Variants in UNC13D observed in about 807,000 individuals in gnomAD.
UNC13D encodes unc-13 homolog D.
Under a neutral mutation model 151.7 loss-of-function variants are expected in UNC13D, and 115 were observed. The observed-to-expected ratio is 0.76, with a 90% CI of 0.65 to 0.88. The LOEUF is 0.88. Ranked by LOEUF, UNC13D falls within the 40% of genes least tolerant of loss-of-function variation. The pLI is 0.00. For synonymous variants in UNC13D, 588 were observed against 612.2 expected (o/e 0.96, Z 0.58); for missense variants, 1,369 against 1,438.7 (o/e 0.95, Z 0.78).
At position 75,843,517 on chromosome 17, in the gene UNC13D, G is replaced by C; in HGVS notation, c.120C>G (p.Ile40Met). 6.2e-7 allele frequency: 1 copy of C among 1,611,622 alleles called. No homozygotes were observed. The highest frequency in any genetic ancestry group is 1.1e-5 in the South Asian group (1 of 90,538). ...GGGAGAAGTGGTGGGATGGAGGCTG[G>C]ATCTGCAGAGCAAGGTGGAAAGGCA... ...QDPPPQMAPEIQPPSHHFSPE... is the reference protein window; with the variant it reads ...QDPPPQMAPEMQPPSHHFSPE... Residue 40 changes from isoleucine to methionine, a missense_variant and splice_region_variant, in exon 2 of 32, where the codon ATC becomes ATG. Physicochemically the swap from Ile to Met is conservative, Grantham distance 10. This residue lies in a region of UNC13D where 550 missense variants were observed against 609.0 expected (regional missense o/e 0.90). Coordinates refer to ENST00000207549, the MANE Select transcript of UNC13D (RefSeq NM_199242.3).
chr17:75,829,980 T>TG, intron 30 of UNC13D, 48 bp downstream of exon 30: 1 of 1,559,748 alleles, frequency 6.4e-7, no homozygotes, highest in Non-Finnish European at 8.7e-7. Flanking sequence ...GGGAGCCCAG[T>TG]GGGGAGAGAT....
Position 75,840,675 on chromosome 17 carries a change from C to G in UNC13D, c.683+87G>C, listed in dbSNP as rs2064941503. On this transcript the variant is annotated intron_variant, in intron 8 of 31. Coordinates refer to ENST00000207549, the MANE Select transcript of UNC13D (RefSeq NM_199242.3). The surrounding 1 kb of genome is among the most constrained non-coding windows in gnomAD (Gnocchi z 4.6). The stretch of plus-strand genomic sequence containing the variant: ...CGCAGCCACCTGGACCCCAAAGGAG[C>G]CTGCACCCCAGCATCCAGTGTGCAT... The G allele has an allele frequency of 4.3e-6, 7 of 1,610,462 alleles. No individual in the cohort carries two copies. Among genetic ancestry groups the G allele is most frequent in the Non-Finnish European group, 5.9e-6 (7 of 1,177,194 alleles).
chr17:75,835,278 T>C, intron 20 of UNC13D, 131 bp downstream of exon 20: 1 of 1,378,838 alleles, frequency 7.3e-7, no homozygotes, highest in Non-Finnish European at 9.9e-7. Flanking sequence ...TGCACAAAAC[T>C]GGACTCAAGT....
chr17:75,835,085 C>T (rs779593350), intron 20 of UNC13D, 22 bp from the exon 21 acceptor site: 55 of 1,613,224 alleles, frequency 3.4e-5, no homozygotes, highest in Non-Finnish European at 4.1e-5. Context: ...AAGGAGGACT[C>T]AGGATACTGC....
chr17:75,827,481 C>T lies in UNC13D; in HGVS notation c.*484G>A, dbSNP rs1567815203. 5 of 1,486,712 alleles carry T rather than the reference C, an allele frequency of 3.4e-6. No individual in the cohort carries two copies. Among genetic ancestry groups the T allele is most frequent in the Non-Finnish European group, 4.5e-6 (5 of 1,120,378 alleles). 92.1% of individuals were successfully genotyped at this position (1,486,712 alleles called of 1,614,324 possible). On this transcript the variant is annotated 3_prime_UTR_variant, in exon 32 of 32. Coordinates refer to ENST00000207549, the MANE Select transcript of UNC13D (RefSeq NM_199242.3). ...GACCCAGGCCCCCTCTAGTAATGGC[C>T]ACCACCCTCCCCCCAGGGCAGCTGG... is the stretch of plus-strand genomic sequence containing the variant.
At position 75,834,105 on chromosome 17, in the gene UNC13D, C is replaced by T. The variant is rs2143873738; in HGVS notation, c.2337G>A (p.Val779=). 1 of 1,613,818 alleles carries T rather than the reference C, an allele frequency of 6.2e-7. No homozygotes were observed. The highest frequency in any genetic ancestry group is 8.5e-7 in the Non-Finnish European group (1 of 1,180,024). Residue 779 remains valine, a synonymous_variant, in exon 24 of 32, where the codon GTG becomes GTA. Transcript: ENST00000207549. ...CAGGCAGGACAGACTCCCTGACGCC[C>T]ACCAGTTTCTGGATGTGCTTGGCGA... ...VGIAKHIQKL[V]GVRESVLPED...
chr17:75,837,269 T>G (rs184135924), intron 12 of UNC13D, among the ~76,000 whole-genome samples: 1,656 of 150,848 alleles, frequency 0.011, 27 homozygotes, highest in African/African-American at 0.039. Context: ...TTTCACCATG[T>G]TGGCCAGGCT....
rs200456374 is a variant in UNC13D, at chr17:75,840,755, C to T, written c.683+7G>A. ...AACCCCTTCCCTGTGAGCCCTGCAA[C>T]ACGAACCTGCGAAGCCCATGCAGAT... On this transcript the variant is annotated splice_region_variant and intron_variant, in intron 8 of 31. Coordinates refer to ENST00000207549, the MANE Select transcript of UNC13D (RefSeq NM_199242.3). The surrounding 1 kb of genome is among the most constrained non-coding windows in gnomAD (Gnocchi z 4.6). The T allele has an allele frequency of 5.0e-6, 8 of 1,613,854 alleles. No individual in the cohort carries two copies. Among genetic ancestry groups the T allele is most frequent in the South Asian group, 2.2e-5 (2 of 91,088 alleles).
intron 12 of UNC13D, among the ~76,000 whole-genome samples, chr17:75,839,054 C>T (rs1181345886): frequency 2.0e-5 from 3 of 150,360 alleles, no homozygotes; most frequent in African/African-American, 4.9e-5. Context: ...GAGCCAAGAT[C>T]GTGCCACTGC....
rs951323766 is a variant in UNC13D, at chr17:75,835,246, A to G, written c.1848+163T>C. 2.3e-5 allele frequency: 31 copies of G among 1,358,242 alleles called. No homozygotes were observed. The East Asian group carries it at 7.3e-4, about 32-fold the overall frequency. The allele number at this position is 1,358,242 out of a possible 1,614,324, so 84.1% of individuals were successfully genotyped here. ...CAGGCAAAGTGAAGCCACAGCCCCAAGGATATCCAGAGGCAGCGTTTTGCA... is the reference window on the plus strand; with the variant it reads ...CAGGCAAAGTGAAGCCACAGCCCCAGGGATATCCAGAGGCAGCGTTTTGCA... On this transcript the variant is annotated intron_variant, in intron 20 of 31. Transcript: ENST00000207549.
At position 75,840,724 on chromosome 17, in the gene UNC13D, A is replaced by T; in HGVS notation, c.683+38T>A. 6.2e-7 allele frequency: 1 copy of T among 1,613,166 alleles called. No individual in the cohort carries two copies. The highest frequency in any genetic ancestry group is 8.5e-7 in the Non-Finnish European group (1 of 1,179,510). On this transcript the variant is annotated intron_variant, in intron 8 of 31. Transcript: ENST00000207549. This position sits in a 1 kb window ranked among gnomAD's most constrained non-coding sequence, Gnocchi z 4.6. The stretch of plus-strand genomic sequence containing the variant: ...ATGTTGGGGGATGGAGGGCAAAAGG[A>T]GCCCCAACCCCTTCCCTGTGAGCCC...
Position 75,842,350 on chromosome 17 carries a change from A to G in UNC13D, c.569+83T>C. Reference sequence around the variant, plus strand: ...AAACCCCCTCCCCTGAGCCAGGACGACCTACTCATCTCATTGTCTGGGGCA... The same window carrying G: ...AAACCCCCTCCCCTGAGCCAGGACGGCCTACTCATCTCATTGTCTGGGGCA... On this transcript the variant is annotated intron_variant, in intron 6 of 31. Coordinates refer to ENST00000207549, the MANE Select transcript of UNC13D (RefSeq NM_199242.3). 1.9e-6 allele frequency: 3 copies of G among 1,538,994 alleles called. No individual in the cohort carries two copies. In the Admixed American group the frequency reaches 5.6e-5, roughly 28 times the overall value.
At chr17:75,829,657 G>A (rs2062147843) in intron 30 of UNC13D, 2 of 239,138 alleles carry the variant, frequency 8.4e-6, no homozygotes, top group Admixed American at 1.1e-4. Context: ...GGAGTGCAGT[G>A]GCACCATCTC....
chr17:75,844,059 C>G (rs1220369423), intron 1 of UNC13D, 162 bp downstream of exon 1: 2 of 1,452,712 alleles, frequency 1.4e-6, no homozygotes, highest in Non-Finnish European at 1.8e-6. Context: ...GCAGCCCCTG[C>G]TCTGCTGGCC....
Position 75,843,077 on chromosome 17 carries a change from G to C in UNC13D, c.262-4C>G. The C allele has an allele frequency of 1.2e-6, 2 of 1,606,252 alleles. No homozygotes were observed. The highest frequency in any genetic ancestry group is 1.7e-6 in the Non-Finnish European group (2 of 1,177,444). ...CCTCGGGCTCCACGTGGAAGGCCTG[G>C]TGGGGAGGCAGGCGGGTGGGTGGCT... On this transcript the variant is annotated splice_region_variant and splice_polypyrimidine_tract_variant and intron_variant, in intron 3 of 31. Transcript: ENST00000207549.
At chr17:75,830,229 G>T in intron 29 of UNC13D, 78 bp from the exon 30 acceptor site, 1 of 1,557,692 alleles carries the variant, frequency 6.4e-7, no homozygotes, top group East Asian at 2.4e-5. Context: ...TCTGCTCAGC[G>T]GCACTGACCC....
rs548142877 is a variant in UNC13D at position 75,833,918 on chromosome 17, C to T, written c.2367+157G>A. On this transcript the variant is annotated intron_variant, in intron 24 of 31. Coordinates refer to ENST00000207549, the MANE Select transcript of UNC13D (RefSeq NM_199242.3). The surrounding 1 kb of genome is among the most constrained non-coding windows in gnomAD (Gnocchi z 4.0). ...GGGACAGCCAGTGGAGTGACCCAAC[C>T]CGTTCCTGTGAGCATCCCAGGAGGA... Among the ~76,000 whole-genome samples the T allele has an allele frequency of 6.6e-6, 1 of 152,298 alleles. No individual in the cohort carries two copies. Among genetic ancestry groups the T allele is most frequent in the Non-Finnish European group, 1.5e-5 (1 of 68,026 alleles).
intron 25 of UNC13D, chr17:75,831,588 C>G (rs996516270): frequency 5.2e-6 from 3 of 575,102 alleles, no homozygotes; most frequent in Non-Finnish European, 9.3e-6. Context: ...CAGTGAGGAA[C>G]CCTCCCCAGC....
At chr17:75,831,390 C>T (rs200237849) in intron 25 of UNC13D, 42 bp from the exon 26 acceptor site, 123 of 1,571,492 alleles carry the variant, frequency 7.8e-5, no homozygotes, top group African/African-American at 1.6e-4. Context: ...CACGGCAGGG[C>T]GGTGGCGGAG....
Sources: allele counts gnomAD v4.1 joint callset (sites outside exome capture counted in the v4.1 genomes callset), GRCh38; gene constraint gnomAD v4.1.1; regional missense constraint gnomAD v4.1.1; non-coding constraint Gnocchi (gnomAD v3.1); transcripts MANE v1.5; gene names NCBI Gene and HGNC (gene_info 2026-07-23, HGNC 2026-07-21).